The following INSYN2A variants were observed in gnomAD, a reference collection of about 807,000 sequenced individuals.
The protein encoded by INSYN2A is family with sequence similarity 196 member A.
A neutral mutation model predicts 39.4 loss-of-function variants in INSYN2A; 17 were observed. The observed-to-expected ratio is 0.43, with a 90% CI of 0.30 to 0.65. The LOEUF (loss-of-function observed/expected upper bound fraction) is 0.65, where lower values mean the gene tolerates loss of function less well. Among genes scored for constraint, INSYN2A ranks in the 30% least tolerant of loss-of-function variants. INSYN2A has a pLI of 0.14. For synonymous variants in INSYN2A, 255 were observed against 265.7 expected, an observed-to-expected ratio of 0.96 and a Z score of 0.39; for missense variants, 595 against 631.2, an observed-to-expected ratio of 0.94 and a Z score of 0.61.
In INSYN2A at chr10:127,154,790, G is replaced by C. The variant is rs143790616; in HGVS notation, c.1185-867C>G. ...TAAAAAATTAATAATAATGATCTTG[G>C]GGTCTTTCTGTAGTATATTGTTGAA... On this transcript the variant is annotated intron_variant, in intron 4 of 5. Coordinates refer to ENST00000522781, the MANE Select transcript of INSYN2A (RefSeq NM_001039762.3). Among the ~76,000 whole-genome samples the C allele has an allele frequency of 8.1e-3, 1,230 of 152,170 alleles. 62 individuals are homozygous for C. The highest frequency in any genetic ancestry group is 0.076 in the Admixed American group (1,164 of 15,284).
intron 2 of INSYN2A, among the ~76,000 whole-genome samples, chr10:127,178,958 C>G (rs532299310): frequency 3.3e-4 from 51 of 152,294 alleles, no homozygotes; most frequent in Admixed American, 1.6e-3. Context: ...TCACTCTGAT[C>G]TCCTATTCAT....
chr10:127,188,689 A>G (rs1422766734), intron 2 of INSYN2A, among the ~76,000 whole-genome samples: 1 of 152,178 alleles, frequency 6.6e-6, no homozygotes. Context: ...CCTCCACTTA[A>G]TAGCCCAGAA....
At chr10:127,161,999 C>T (rs963490126) in intron 4 of INSYN2A, among the ~76,000 whole-genome samples, 10 of 152,152 alleles carry the variant, frequency 6.6e-5, no homozygotes, top group African/African-American at 1.9e-4. Context: ...CTGCTCAGGA[C>T]GTTGATGATG....
chr10:127,186,728 G>C (rs1425505364), intron 2 of INSYN2A, among the ~76,000 whole-genome samples: 1 of 151,992 alleles, frequency 6.6e-6, no homozygotes, highest in Non-Finnish European at 1.5e-5. Flanking sequence ...GCAGTACTTA[G>C]GAATCTCATG....
chr10:127,144,647 A>G (rs2051616817), intron 5 of INSYN2A, among the ~76,000 whole-genome samples: 1 of 152,200 alleles, frequency 6.6e-6, no homozygotes, highest in South Asian at 2.1e-4. Context: ...AGAATTTGTT[A>G]TATACTATTT....
chr10:127,137,587 G>A lies in INSYN2A; in HGVS notation c.*250C>T, dbSNP rs569109080. 9.7e-5 allele frequency: 38 copies of A among 393,356 alleles called. No homozygotes were observed. Among genetic ancestry groups the A allele is most frequent in the Non-Finnish European group, 9.5e-5 (21 of 221,506 alleles). 24.4% of individuals were successfully genotyped at this position (393,356 alleles called of 1,614,324 possible). On this transcript the variant is annotated 3_prime_UTR_variant, in exon 6 of 6. Transcript: ENST00000522781. ...ATTTTTACTTATCATCTTTGACTAC[G>A]TAAGTTTCATTTCAGATTTTACATC...
At chr10:127,142,969 C>T (rs1329232791) in intron 5 of INSYN2A, among the ~76,000 whole-genome samples, 1 of 152,190 alleles carries the variant, frequency 6.6e-6, no homozygotes, top group Non-Finnish European at 1.5e-5. Context: ...CAGCCTGCAC[C>T]TAAGCTTTAT....
intron 5 of INSYN2A, among the ~76,000 whole-genome samples, chr10:127,150,208 AG>A (rs1196363855): frequency 6.6e-6 from 1 of 152,178 alleles, no homozygotes; most frequent in African/African-American, 2.4e-5. Flanking sequence ...CTCCTGCCCA[AG>A]GAACTCACTG....
At chr10:127,158,919 G>T (rs1031039448) in intron 4 of INSYN2A, among the ~76,000 whole-genome samples, 8 of 152,086 alleles carry the variant, frequency 5.3e-5, no homozygotes, top group African/African-American at 1.9e-4. Flanking sequence ...TTTCTGTTCT[G>T]TTGACCCTCT....
chr10:127,142,592 A>G (rs1423870646), intron 5 of INSYN2A, among the ~76,000 whole-genome samples: 1 of 152,200 alleles, frequency 6.6e-6, no homozygotes, highest in East Asian at 1.9e-4. Context: ...AGTCAAACAC[A>G]GGCTGTAGAT....
chr10:127,162,941 C>T (rs2053715339), intron 4 of INSYN2A, among the ~76,000 whole-genome samples: 1 of 152,190 alleles, frequency 6.6e-6, no homozygotes, highest in African/African-American at 2.4e-5. Context: ...GTTAAGGAAG[C>T]AGAGTCACAG....
Position 127,137,727 on chromosome 10 carries a change from G to A in INSYN2A, c.*110C>T. 3 of 993,544 alleles carry A rather than the reference G, an allele frequency of 3.0e-6. No individual in the cohort carries two copies. Among genetic ancestry groups the A allele is most frequent in the Non-Finnish European group, 4.4e-6 (3 of 678,304 alleles). The allele number at this position is 993,544 out of a possible 1,614,324, so 61.5% of individuals were successfully genotyped here. A position where few individuals can be genotyped will look rare whatever the true frequency, so the allele number is the denominator to read the frequency against. ...TGGTACGCAGGGCGAGAAGTGGGAG[G>A]TGCCTGAATGGGCACCACAGTTCCC... On this transcript the variant is annotated 3_prime_UTR_variant, in exon 6 of 6. Transcript: ENST00000522781.
At chr10:127,159,107 A>G (rs755780239) in intron 4 of INSYN2A, among the ~76,000 whole-genome samples, 5 of 152,222 alleles carry the variant, frequency 3.3e-5, no homozygotes, top group Non-Finnish European at 5.9e-5. Flanking sequence ...GCGACAGTGC[A>G]TGAAAGAGAA....
intron 4 of INSYN2A, among the ~76,000 whole-genome samples, chr10:127,157,484 AC>A (rs2053196369): frequency 6.6e-6 from 1 of 152,208 alleles, no homozygotes; most frequent in Admixed American, 6.5e-5. Context: ...ACACTTCTTG[AC>A]TTTTACTCTC....
intron 5 of INSYN2A, among the ~76,000 whole-genome samples, chr10:127,139,675 T>C (rs1270088251): frequency 1.3e-5 from 2 of 152,272 alleles, no homozygotes; most frequent in South Asian, 2.1e-4. Flanking sequence ...GACATGGGGT[T>C]TCCACCCTGC....
At chr10:127,172,093 TTTC>T (rs1436648375) in intron 4 of INSYN2A, among the ~76,000 whole-genome samples, 1 of 152,194 alleles carries the variant, frequency 6.6e-6, no homozygotes, top group Non-Finnish European at 1.5e-5. Flanking sequence ...ATTTTCCTGT[TTTC>T]TTTTTTTGTT....
At chr10:127,152,393 C>T (rs959473902) in intron 5 of INSYN2A, among the ~76,000 whole-genome samples, 2 of 152,200 alleles carry the variant, frequency 1.3e-5, no homozygotes, top group African/African-American at 4.8e-5. Flanking sequence ...TGCATGGATG[C>T]CTCATTTTAA....
chr10:127,153,861 A>T lies in INSYN2A; in HGVS notation c.1247T>A (p.Ile416Asn). The change falls in exon 5 of 6, where the codon ATT becomes AAT. Residue 416 changes from isoleucine to asparagine, a missense_variant. Physicochemically the swap from Ile to Asn is moderately radical, Grantham distance 149 (BLOSUM62 -3). Coordinates refer to ENST00000522781, the MANE Select transcript of INSYN2A (RefSeq NM_001039762.3). ...NCDTCRNSACIIYSVELDFKQ... is the reference protein window; with the variant it reads ...NCDTCRNSACNIYSVELDFKQ... ...GAGAATGTTAACATACCTATAGATA[A>T]TACATGCACTGTTCCTGCATGTGTC... 6.2e-7 allele frequency: 1 copy of T among 1,611,984 alleles called. No individual in the cohort carries two copies. Among genetic ancestry groups the T allele is most frequent in the Non-Finnish European group, 8.5e-7 (1 of 1,178,096 alleles).
At position 127,186,895 on chromosome 10, in the gene INSYN2A, G is replaced by A. The variant is rs182872058; in HGVS notation, c.-269+5710C>T. Among the ~76,000 whole-genome samples the A allele has an allele frequency of 1.1e-4, 17 of 152,264 alleles. No homozygotes were observed. In the East Asian group the frequency reaches 3.3e-3, roughly 30 times the overall value. On this transcript the variant is annotated intron_variant, in intron 2 of 5. Transcript: ENST00000522781. Reference sequence around the variant, plus strand: ...CACAGATACAGGAGGGGAAGGGGATGTGTGCTGGAACATAAGTCCAGGTCA... The same window carrying A: ...CACAGATACAGGAGGGGAAGGGGATATGTGCTGGAACATAAGTCCAGGTCA...
Sources: gnomAD v4.1 joint callset for allele counts (sites outside exome capture counted in the v4.1 genomes callset) on GRCh38, gnomAD v4.1.1 for gene constraint, MANE v1.5 for transcripts, NCBI Gene and HGNC (gene_info 2026-07-23, HGNC 2026-07-21) for gene names.